Variants in C14orf39 observed in about 807,000 individuals in gnomAD.
The protein encoded by C14orf39 is chromosome 14 open reading frame 39.
C14orf39 carries 66 observed loss-of-function variants against 85.6 expected under a neutral mutation model. That is an observed-to-expected ratio of 0.77 (90% CI 0.63 to 0.95). The LOEUF (loss-of-function observed/expected upper bound fraction) is 0.95, where lower values mean the gene tolerates loss of function less well. Ranked by LOEUF, C14orf39 falls within the 40% of genes least tolerant of loss-of-function variation. C14orf39 has a pLI of 0.00. For synonymous variants in C14orf39, 242 were observed against 214.0 expected, an observed-to-expected ratio of 1.13 and a Z score of -1.14; for missense variants, 735 against 663.9, an observed-to-expected ratio of 1.11 and a Z score of -1.18.
chr14:60,502,668 C>T (rs186778710), intron 1 of C14orf39, among the ~76,000 whole-genome samples: 2 of 152,190 alleles, frequency 1.3e-5, no homozygotes, highest in African/African-American at 4.8e-5. Context: ...GCACTCATTT[C>T]TCTGTCCCTT....
In C14orf39 at chr14:60,483,731, AATG is replaced by A; in HGVS notation, c.190_192del (p.His64del). The A allele has an allele frequency of 6.3e-7, 1 of 1,599,794 alleles. No homozygotes were observed. The highest frequency in any genetic ancestry group is 1.3e-5 in the African/African-American group (1 of 74,616). ...TTAATCTCCTCACTATGTTTACAGT[AATG>A]ATCAATTTCCTCATCTGTTGCATTT... On this transcript the variant is annotated inframe_deletion, in exon 4 of 18. Coordinates refer to ENST00000321731, the MANE Select transcript of C14orf39 (RefSeq NM_174978.3).
intron 16 of C14orf39, among the ~76,000 whole-genome samples, chr14:60,443,520 A>G (rs1031804026): frequency 5.3e-5 from 8 of 152,212 alleles, no homozygotes; most frequent in African/African-American, 2.4e-5. Flanking sequence ...AGCAGCCAGG[A>G]AGCTTGAACT....
chr14:60,464,890 T>C (rs1004154215), intron 11 of C14orf39, among the ~76,000 whole-genome samples: 2 of 152,110 alleles, frequency 1.3e-5, no homozygotes, highest in Admixed American at 1.3e-4. Context: ...CTATTTACAA[T>C]GCTTTCTAAC....
At chr14:60,512,449 ATCT>A (rs1893309188) in intron 1 of C14orf39, 1 of 152,204 alleles carries the variant, frequency 6.6e-6, no homozygotes, top group Non-Finnish European at 1.5e-5. Context: ...TTAGACTAAC[ATCT>A]TCTTGCTGCA....
intron 5 of C14orf39, among the ~76,000 whole-genome samples, chr14:60,475,035 C>G (rs1045320706): frequency 6.6e-6 from 1 of 152,068 alleles, no homozygotes; most frequent in African/African-American, 2.4e-5. Context: ...TGGTCCTGGA[C>G]TTTTTTGGTT....
intron 11 of C14orf39, 38 bp from the exon 12 acceptor site, chr14:60,461,631 A>G: frequency 2.2e-6 from 3 of 1,366,680 alleles, no homozygotes; most frequent in Non-Finnish European, 3.0e-6. Flanking sequence ...TTGGCTACAC[A>G]AAGCAATAAA....
chr14:60,509,091 C>T, intron 1 of C14orf39: 1 of 450,136 alleles, frequency 2.2e-6, no homozygotes, highest in South Asian at 2.3e-5. Context: ...GGCAGAGCCA[C>T]CCGGTGACTG....
At chr14:60,492,500 G>A (rs1469965524) in intron 2 of C14orf39, among the ~76,000 whole-genome samples, 4 of 151,926 alleles carry the variant, frequency 2.6e-5, no homozygotes, top group African/African-American at 4.8e-5. Flanking sequence ...CGGGCCCGGC[G>A]CAATGGCTCA....
intron 4 of C14orf39, among the ~76,000 whole-genome samples, chr14:60,481,414 T>C (rs1453492063): frequency 6.6e-6 from 1 of 152,090 alleles, no homozygotes; most frequent in Non-Finnish European, 1.5e-5. Context: ...CCCAGCACTT[T>C]GGGAGGCCGA....
At chr14:60,491,053 A>G (rs1366573222), upstream of C14orf39, among the ~76,000 whole-genome samples, 1 of 152,240 alleles carries the variant, frequency 6.6e-6, no homozygotes, top group Non-Finnish European at 1.5e-5. The surrounding 1 kb of genome is among the most constrained non-coding windows in gnomAD (Gnocchi z 4.5). Flanking sequence ...CAAAAGGAAA[A>G]GCAACTGTTC....
chr14:60,495,807 C>T (rs1376531599), intron 2 of C14orf39: 1 of 250,632 alleles, frequency 4.0e-6, no homozygotes, highest in Admixed American at 4.6e-5. Flanking sequence ...TTGTCTTTGG[C>T]TTTGACATCC....
intron 11 of C14orf39, among the ~76,000 whole-genome samples, chr14:60,465,720 G>T (rs1033733): frequency 0.86 from 130,756 of 151,970 alleles, 56,921 homozygotes; most frequent in Non-Finnish European, 0.92. Context: ...CTTGGTATTT[G>T]AAAATATCTT....
intron 1 of C14orf39, among the ~76,000 whole-genome samples, chr14:60,500,576 T>C (rs1268150004): frequency 6.6e-5 from 10 of 152,198 alleles, no homozygotes; most frequent in Admixed American, 3.3e-4. Context: ...ATTTATGCTG[T>C]AGAACACAAT....
At chr14:60,445,626 C>G (rs1890730525) in intron 16 of C14orf39, among the ~76,000 whole-genome samples, 1 of 152,126 alleles carries the variant, frequency 6.6e-6, no homozygotes, top group Non-Finnish European at 1.5e-5. Flanking sequence ...GACGTTAACA[C>G]AACACTGTCA....
chr14:60,479,005 T>C lies in C14orf39; in HGVS notation c.234-616A>G, dbSNP rs1892520767. 3.3e-5 allele frequency among the ~76,000 whole-genome samples: 5 copies of C among 152,272 alleles called. No individual in the cohort carries two copies. The South Asian group carries it at 1.0e-3, about 32-fold the overall frequency. Reference sequence around the variant, plus strand: ...AAAATTAATATATACCATGGCGGCTTCCAGTGTAAGTATTTTTCAAATATT... The same window carrying C: ...AAAATTAATATATACCATGGCGGCTCCCAGTGTAAGTATTTTTCAAATATT... On this transcript the variant is annotated intron_variant, in intron 4 of 17. Coordinates refer to ENST00000321731, the MANE Select transcript of C14orf39 (RefSeq NM_174978.3).
intron 1 of C14orf39, among the ~76,000 whole-genome samples, chr14:60,507,974 T>C (rs969981078): frequency 6.6e-6 from 1 of 152,178 alleles, no homozygotes; most frequent in Non-Finnish European, 1.5e-5. Context: ...AATGGTATGA[T>C]GTGGACTGCC....
chr14:60,509,412 C>G, intron 1 of C14orf39: 1 of 1,599,502 alleles, frequency 6.3e-7, no homozygotes, highest in Non-Finnish European at 8.5e-7. Flanking sequence ...TTCCAGCTGC[C>G]CATCTTGAAT....
At chr14:60,457,556 C>T (rs530026353) in intron 14 of C14orf39, among the ~76,000 whole-genome samples, 24 of 152,066 alleles carry the variant, frequency 1.6e-4, no homozygotes, top group African/African-American at 5.8e-4. Context: ...ACTTTCTCTA[C>T]AATAATTGAG....
intron 16 of C14orf39, among the ~76,000 whole-genome samples, chr14:60,443,632 C>T (rs1365637544): frequency 6.6e-6 from 1 of 152,242 alleles, no homozygotes; most frequent in African/African-American, 2.4e-5. Context: ...CTTCTGCAGA[C>T]CTAAATGTCC....
Sources: gnomAD v4.1 joint callset for allele counts (sites outside exome capture counted in the v4.1 genomes callset) on GRCh38, gnomAD v4.1.1 for gene constraint, Gnocchi (gnomAD v3.1) non-coding constraint, MANE v1.5 for transcripts, NCBI Gene and HGNC (gene_info 2026-07-23, HGNC 2026-07-21) for gene names.